AFF2: variants seen among roughly 807,000 people sequenced by gnomAD.
AFF2 encodes the protein AF4/FMR2 family member 2.
A neutral mutation model predicts 76.9 loss-of-function variants in AFF2; 14 were observed. The observed-to-expected ratio is 0.18, with a 90% CI of 0.12 to 0.28. The LOEUF is 0.28. AFF2 is among the 10% of genes least tolerant of loss of function. The pLI is 1.00. For synonymous variants in AFF2, 398 were observed against 366.7 expected (o/e 1.09, Z -0.98); for missense variants, 868 against 1,001.1 (o/e 0.87, Z 1.79).
At chrX:148,569,179 G>T (rs554892817) in intron 1 of AFF2, among the ~76,000 whole-genome samples, 44 of 110,100 alleles carry the variant, frequency 4.0e-4, no homozygotes, top group Middle Eastern at 4.7e-3. Flanking sequence ...ATGATGATGA[G>T]GAGGAGGAGG....
chrX:148,924,340 G>A (rs1335115438), intron 9 of AFF2, among the ~76,000 whole-genome samples: 2 of 111,965 alleles, frequency 1.8e-5, no homozygotes, highest in Non-Finnish European at 3.8e-5. Context: ...GTATATGCAT[G>A]GGTGTGCATG....
intron 1 of AFF2, among the ~76,000 whole-genome samples, chrX:148,597,801 C>T (rs1337810250): frequency 1.8e-5 from 2 of 112,289 alleles, no homozygotes; most frequent in Non-Finnish European, 3.8e-5. Flanking sequence ...TGATTACCTT[C>T]GCATAACCAC....
chrX:148,583,219 A>G (rs2053432315), intron 1 of AFF2, among the ~76,000 whole-genome samples: 1 of 111,605 alleles, frequency 9.0e-6, no homozygotes, highest in South Asian at 3.7e-4. Context: ...AAACATCTAA[A>G]TTATACACTT....
intron 9 of AFF2, among the ~76,000 whole-genome samples, chrX:148,933,382 G>A (rs2071735852): frequency 1.8e-5 from 2 of 111,825 alleles, no homozygotes. Context: ...GGAGCTGCGA[G>A]AGAATTTCGA....
intron 8 of AFF2, among the ~76,000 whole-genome samples, chrX:148,888,120 T>A (rs781904149): frequency 1.8e-5 from 2 of 112,029 alleles, no homozygotes; most frequent in African/African-American, 3.2e-5. Flanking sequence ...TGTGCATCCA[T>A]CCCAGTTCCA....
At chrX:148,934,618 GGAAA>G (rs2071751235) in intron 9 of AFF2, among the ~76,000 whole-genome samples, 1 of 112,079 alleles carries the variant, frequency 8.9e-6, no homozygotes, top group African/African-American at 3.2e-5. Flanking sequence ...CTTTGTGATT[GGAAA>G]GAGTCTCATT....
At chrX:148,899,173 G>A (rs1407929706) in intron 8 of AFF2, among the ~76,000 whole-genome samples, 1 of 112,070 alleles carries the variant, frequency 8.9e-6, no homozygotes, top group African/African-American at 3.2e-5. Context: ...GGCTGTGTGT[G>A]CTTAATGCCA....
At chrX:148,810,347 G>A (rs1813480779) in intron 4 of AFF2, among the ~76,000 whole-genome samples, 1 of 112,127 alleles carries the variant, frequency 8.9e-6, no homozygotes, top group African/African-American at 3.2e-5. Context: ...TGGGAGAGGA[G>A]GAGAAGATGA....
intron 1 of AFF2, among the ~76,000 whole-genome samples, chrX:148,556,366 G>A (rs782045568): frequency 1.7e-4 from 19 of 111,669 alleles, no homozygotes; most frequent in African/African-American, 4.9e-4. Context: ...AATTATAGCC[G>A]TGGTTCCGGG....
rs56767828 is a variant in AFF2 at position 148,983,953 on chromosome X, CAA to C, written c.3623+3177_3623+3178del. Among the ~76,000 whole-genome samples the C allele has an allele frequency of 1.4e-3, 40 of 29,124 alleles. 8 individuals carry two copies. The highest frequency in any genetic ancestry group is 2.0e-3 in the Non-Finnish European group (34 of 16,994). 25.3% of individuals were successfully genotyped at this position (29,124 alleles called of 115,157 possible). On this transcript the variant is annotated intron_variant, in intron 19 of 20. Coordinates refer to ENST00000370460, the MANE Select transcript of AFF2 (RefSeq NM_002025.4). ...GAAGTATGGCACAGAGTGAAATAGA[CAA>C]AAAAAAAAAAAAACTGCCCTCATCA...
chrX:148,526,095 C>T (rs2052655158), intron 1 of AFF2, among the ~76,000 whole-genome samples: 1 of 111,551 alleles, frequency 9.0e-6, no homozygotes, highest in African/African-American at 3.3e-5. Context: ...GATCAGTTGG[C>T]AGAAAAGGAA....
chrX:148,981,605 T>C (rs2341921), intron 19 of AFF2, among the ~76,000 whole-genome samples: 61,814 of 110,357 alleles, frequency 0.56, 14,918 homozygotes, highest in East Asian at 0.87. Context: ...AGCATCAGTT[T>C]CTCCTCTGAT....
chrX:148,640,604 A>T (rs782515284), intron 1 of AFF2, among the ~76,000 whole-genome samples: 36 of 112,590 alleles, frequency 3.2e-4, no homozygotes, highest in Non-Finnish European at 4.5e-4. Flanking sequence ...AACTAATCAT[A>T]TCGAGAGACA....
At chrX:148,863,938 C>A (rs1186204278) in intron 7 of AFF2, among the ~76,000 whole-genome samples, 3 of 111,469 alleles carry the variant, frequency 2.7e-5, no homozygotes, top group African/African-American at 9.8e-5. Flanking sequence ...TCAGGTGGAC[C>A]TGGCTTTGGG....
chrX:148,594,919 G>C (rs1180391254), intron 1 of AFF2, among the ~76,000 whole-genome samples: 1 of 111,842 alleles, frequency 8.9e-6, no homozygotes, highest in Admixed American at 9.5e-5. Context: ...TGGATTTTTA[G>C]TGAACAAATG....
intron 15 of AFF2, among the ~76,000 whole-genome samples, chrX:148,969,504 A>G (rs782177563): frequency 8.9e-6 from 1 of 112,458 alleles, no homozygotes; most frequent in South Asian, 3.7e-4. Context: ...CCATTTGCAT[A>G]TAACCTGTTC....
At chrX:148,633,326 G>A (rs2053998083) in intron 1 of AFF2, among the ~76,000 whole-genome samples, 1 of 111,336 alleles carries the variant, frequency 9.0e-6, no homozygotes, top group Non-Finnish European at 1.9e-5. Flanking sequence ...AAGAGGATTC[G>A]ACACATTGGA....
chrX:148,982,163 A>T (rs2072403046), intron 19 of AFF2, among the ~76,000 whole-genome samples: 1 of 112,075 alleles, frequency 8.9e-6, no homozygotes, highest in Admixed American at 9.4e-5. Flanking sequence ...AAACGCAAGA[A>T]CTCAAACACA....
At chrX:148,978,341 A>AT (rs1557290520) in intron 17 of AFF2, 21 bp from the exon 18 acceptor site, 1 of 1,116,633 alleles carries the variant, frequency 9.0e-7, no homozygotes, top group African/African-American at 1.8e-5. Context: ...CATTAACAGA[A>AT]GCCTTTCCTC....
Sources: allele counts gnomAD v4.1 joint callset (sites outside exome capture counted in the v4.1 genomes callset), GRCh38; gene constraint gnomAD v4.1.1; transcripts MANE v1.5; gene names NCBI Gene and HGNC (gene_info 2026-07-23, HGNC 2026-07-21).